Variants in CADM2 observed in about 807,000 individuals in gnomAD.
The protein encoded by CADM2 is immunoglobulin superfamily member 4D.
In CADM2, 12 loss-of-function variants were observed where a neutral mutation model predicts 49.8. The ratio of observed to expected loss-of-function variants is 0.24; its 90% confidence interval spans 0.15 to 0.39. CADM2 has a LOEUF of 0.39. Among genes scored for constraint, CADM2 ranks in the 10% least tolerant of loss-of-function variants. CADM2 has a pLI of 1.00. For synonymous variants in CADM2, 214 were observed against 175.4 expected (o/e 1.22, Z -1.74); for missense variants, 378 against 492.3 (o/e 0.77, Z 2.20).
intron 8 of CADM2, among the ~76,000 whole-genome samples, chr3:86,039,591 C>T (rs1024303705): frequency 2.6e-5 from 4 of 152,140 alleles, no homozygotes; most frequent in Admixed American, 6.5e-5. Flanking sequence ...CCTTGAAGCT[C>T]GAATTGGGTG....
At chr3:85,848,066 T>G (rs1004696946) in intron 3 of CADM2, among the ~76,000 whole-genome samples, 4 of 152,152 alleles carry the variant, frequency 2.6e-5, no homozygotes, top group African/African-American at 9.6e-5. Flanking sequence ...CATAATTTTT[T>G]TAATTAATGT....
intron 2 of CADM2, among the ~76,000 whole-genome samples, chr3:85,741,216 G>C (rs1272402049): frequency 6.6e-6 from 1 of 151,986 alleles, no homozygotes; most frequent in East Asian, 1.9e-4. Context: ...AGTATAAGGA[G>C]ATCTAATTTC....
intron 1 of CADM2, among the ~76,000 whole-genome samples, chr3:85,140,380 CA>C (rs575518519): frequency 6.6e-6 from 1 of 151,140 alleles, no homozygotes; most frequent in African/African-American, 2.4e-5. Flanking sequence ...TTGAGTAGGT[CA>C]AAAAAAGGTA....
chr3:85,986,130 C>T (rs1483463037), intron 8 of CADM2, among the ~76,000 whole-genome samples: 2 of 151,972 alleles, frequency 1.3e-5, no homozygotes, highest in Non-Finnish European at 2.9e-5. Context: ...TCTCTACATC[C>T]TTTATATCAA....
chr3:85,724,286 G>C (rs927792051), intron 1 of CADM2, among the ~76,000 whole-genome samples: 1 of 151,398 alleles, frequency 6.6e-6, no homozygotes, highest in Non-Finnish European at 1.5e-5. Context: ...TAATATACTT[G>C]CACACTTTCT....
chr3:85,176,448 G>A (rs1254806458), intron 1 of CADM2, among the ~76,000 whole-genome samples: 9 of 152,146 alleles, frequency 5.9e-5, no homozygotes, highest in African/African-American at 2.2e-4. Context: ...TTCATTAAAT[G>A]AGATTCTTTT....
At chr3:85,614,879 G>A (rs2063760975) in intron 1 of CADM2, among the ~76,000 whole-genome samples, 1 of 152,002 alleles carries the variant, frequency 6.6e-6, no homozygotes, top group South Asian at 2.1e-4. Context: ...TGCATAACAG[G>A]CCCTTTTATT....
chr3:85,073,825 T>G (rs2036844952), intron 1 of CADM2, among the ~76,000 whole-genome samples: 1 of 152,132 alleles, frequency 6.6e-6, no homozygotes, highest in South Asian at 2.1e-4. Context: ...AAATTTTTAG[T>G]AGGAATACTT....
intron 7 of CADM2, among the ~76,000 whole-genome samples, chr3:85,942,030 G>C (rs1166909186): frequency 2.0e-5 from 3 of 152,120 alleles, no homozygotes; most frequent in Non-Finnish European, 4.4e-5. Context: ...CAGTAACACA[G>C]CTGATAAATG....
intron 6 of CADM2, among the ~76,000 whole-genome samples, chr3:85,914,374 C>T (rs1559739103): frequency 6.6e-6 from 1 of 152,080 alleles, no homozygotes; most frequent in Non-Finnish European, 1.5e-5. Flanking sequence ...AAGTCAAGTT[C>T]ATGGCATTTA....
At chr3:85,651,774 A>G (rs2065047873) in intron 1 of CADM2, among the ~76,000 whole-genome samples, 2 of 151,626 alleles carry the variant, frequency 1.3e-5, no homozygotes, top group Admixed American at 6.6e-5. Context: ...ACATAATCTT[A>G]GCACTTGATT....
At chr3:85,119,412 G>T (rs1265413548) in intron 1 of CADM2, among the ~76,000 whole-genome samples, 1 of 152,154 alleles carries the variant, frequency 6.6e-6, no homozygotes, top group Non-Finnish European at 1.5e-5. Flanking sequence ...TTGTAGTATA[G>T]TTTAAAGTCA....
chr3:85,139,553 C>T (rs560154119), intron 1 of CADM2, among the ~76,000 whole-genome samples: 1 of 151,604 alleles, frequency 6.6e-6, no homozygotes, highest in Non-Finnish European at 1.5e-5. Flanking sequence ...GCCTTTAATA[C>T]TATGTGTTTT....
intron 1 of CADM2, among the ~76,000 whole-genome samples, chr3:85,275,899 G>A (rs2043345834): frequency 6.6e-6 from 1 of 150,870 alleles, no homozygotes. Flanking sequence ...GAACCTCAGG[G>A]TCATTATGTG....
chr3:86,026,691 A>G (rs1733944299), intron 8 of CADM2, among the ~76,000 whole-genome samples: 2 of 152,122 alleles, frequency 1.3e-5, no homozygotes, highest in African/African-American at 4.8e-5. Flanking sequence ...CTCATGTTGT[A>G]TGTGCTCATT....
chr3:85,141,979 A>T (rs1201620676), intron 1 of CADM2, among the ~76,000 whole-genome samples: 2 of 152,202 alleles, frequency 1.3e-5, no homozygotes, highest in Non-Finnish European at 2.9e-5. Flanking sequence ...ATCCAAGCTA[A>T]TGACACTTCA....
intron 3 of CADM2, among the ~76,000 whole-genome samples, chr3:85,849,546 A>G (rs2075012330): frequency 1.3e-5 from 2 of 152,220 alleles, no homozygotes; most frequent in Admixed American, 6.5e-5. Context: ...AACATCGTGA[A>G]TGTAACACAA....
At chr3:86,055,225 G>A (rs1017143753) in intron 8 of CADM2, among the ~76,000 whole-genome samples, 1 of 151,976 alleles carries the variant, frequency 6.6e-6, no homozygotes, top group South Asian at 2.1e-4. Flanking sequence ...CATATGTCCT[G>A]TCTTTGTCCA....
intron 8 of CADM2, among the ~76,000 whole-genome samples, chr3:86,024,034 ATT>A (rs1446430078): frequency 2.0e-5 from 3 of 152,208 alleles, no homozygotes; most frequent in Non-Finnish European, 4.4e-5. Context: ...CCAGAGTTCT[ATT>A]TCAAGCTTGC....
Sources: gnomAD v4.1 joint callset for allele counts (sites outside exome capture counted in the v4.1 genomes callset) on GRCh38, gnomAD v4.1.1 for gene constraint, MANE v1.5 for transcripts, NCBI Gene and HGNC (gene_info 2026-07-23, HGNC 2026-07-21) for gene names.